Variants in UBE2V2 observed in about 807,000 individuals in gnomAD.
UBE2V2 encodes the protein ubiquitin conjugating enzyme E2 V2.
In UBE2V2, 9 loss-of-function variants were observed where a neutral mutation model predicts 17.2. The ratio of observed to expected loss-of-function variants is 0.52; its 90% CI spans 0.32 to 0.91. The LOEUF is 0.91. Among genes scored for constraint, UBE2V2 ranks in the 40% least tolerant of loss-of-function variants. The pLI, the probability that UBE2V2 is intolerant of heterozygous loss-of-function variation, is 0.04. For missense variants in UBE2V2, 133 were observed against 182.6 expected (o/e 0.73, Z 1.56); for synonymous variants, 61 against 57.5 (o/e 1.06, Z -0.28).
rs147443496 is a variant in UBE2V2 at position 48,059,657 on chromosome 8, C to T, written c.292-1025C>T. The stretch of plus-strand genomic sequence containing the variant: ...CAAACTCCTGACCTTGTGATCCGCC[C>T]GCCTTGGCCTCCCAAAACGTTGGGA... On this transcript the variant is annotated intron_variant, in intron 3 of 3. Coordinates refer to ENST00000523111, the MANE Select transcript of UBE2V2 (RefSeq NM_003350.3). Among the ~76,000 whole-genome samples, 362 of 152,272 alleles carry T rather than the reference C, an allele frequency of 2.4e-3. 3 individuals carry two copies. Among genetic ancestry groups the T allele is most frequent in the African/African-American group, 8.0e-3 (333 of 41,546 alleles).
rs563161396 is a variant in UBE2V2 at position 48,036,410 on chromosome 8, T to C, written c.17-6623T>C. 4.6e-5 allele frequency among the ~76,000 whole-genome samples: 7 copies of C among 151,578 alleles called. No homozygotes were observed. The East Asian group carries it at 1.4e-3, about 29-fold the overall frequency. On this transcript the variant is annotated intron_variant, in intron 1 of 3. Coordinates refer to ENST00000523111, the MANE Select transcript of UBE2V2 (RefSeq NM_003350.3). ...ATTTGTGGCCATCTTTAATTTGGTATAGAGTATAATGATTCTTGACTCAAA... is the reference window on the plus strand; with the variant it reads ...ATTTGTGGCCATCTTTAATTTGGTACAGAGTATAATGATTCTTGACTCAAA...
chr8:48,009,486 G>C (rs2091213146), intron 1 of UBE2V2, among the ~76,000 whole-genome samples: 1 of 151,994 alleles, frequency 6.6e-6, no homozygotes. Flanking sequence ...GACTGGTCTC[G>C]AACTCCTGAC....
At chr8:48,001,249 C>T in the UBE2V2 span, among the ~76,000 whole-genome samples, 5 of 152,142 alleles carry the variant, frequency 3.3e-5, no homozygotes, top group Admixed American at 6.6e-5. Flanking sequence ...TGTTCCTTCC[C>T]ATGGAAAATA....
intron 1 of UBE2V2, among the ~76,000 whole-genome samples, chr8:48,033,955 G>A (rs922299600): frequency 2.6e-5 from 4 of 151,752 alleles, no homozygotes; most frequent in Admixed American, 6.6e-5. Flanking sequence ...AGACCCTGTT[G>A]CTAAAAAAAA....
chr8:48,031,080 G>C (rs903825965), intron 1 of UBE2V2, among the ~76,000 whole-genome samples: 1 of 151,822 alleles, frequency 6.6e-6, no homozygotes, highest in Non-Finnish European at 1.5e-5. Context: ...GTGGTGGCAG[G>C]CACCTGTAAT....
intron 2 of UBE2V2, 169 bp from the exon 3 acceptor site, chr8:48,049,684 T>C (rs2091522098): frequency 4.1e-6 from 2 of 488,962 alleles, no homozygotes; most frequent in East Asian, 7.7e-5. Context: ...ATTGCATTTT[T>C]TCTCACCATA....
intron 1 of UBE2V2, among the ~76,000 whole-genome samples, chr8:48,022,779 G>A (rs2091314310): frequency 6.6e-6 from 1 of 150,602 alleles, no homozygotes. Flanking sequence ...AGACAGCTTT[G>A]TCTAAAGGAC....
At chr8:48,003,230 AAGAG>A in the UBE2V2 span, among the ~76,000 whole-genome samples, 8 of 151,714 alleles carry the variant, frequency 5.3e-5, no homozygotes, top group South Asian at 2.1e-4. Context: ...AAAAAAAAAA[AAGAG>A]AGAATTTAGT....
chr8:48,051,292 C>T (rs141753695), intron 3 of UBE2V2, among the ~76,000 whole-genome samples: 289 of 152,162 alleles, frequency 1.9e-3, no homozygotes, highest in Middle Eastern at 0.01. Context: ...GTTGAGAGCA[C>T]GCCACATACA....
At chr8:48,050,144 G>T in intron 3 of UBE2V2, 166 bp downstream of exon 3, 3 of 451,986 alleles carry the variant, frequency 6.6e-6, no homozygotes, top group South Asian at 1.9e-4. Flanking sequence ...GCATTATGTT[G>T]TTTTTCTTTT....
chr8:47,998,989 T>C, the UBE2V2 span, among the ~76,000 whole-genome samples: 3 of 152,198 alleles, frequency 2.0e-5, no homozygotes, highest in Non-Finnish European at 4.4e-5. Flanking sequence ...GTGACGTTTA[T>C]TACAGGAGGG....
chr8:48,022,841 G>A (rs1056936826), intron 1 of UBE2V2, among the ~76,000 whole-genome samples: 17 of 150,098 alleles, frequency 1.1e-4, no homozygotes, highest in African/African-American at 3.7e-4. Flanking sequence ...GACAAGGTCT[G>A]TTGCCCAGAC....
At chr8:48,060,489 AT>A (rs1802577114) in intron 3 of UBE2V2, among the ~76,000 whole-genome samples, 192 bp from the exon 4 acceptor site, 1 of 152,090 alleles carries the variant, frequency 6.6e-6, no homozygotes, top group Admixed American at 6.6e-5. Flanking sequence ...ATGTCTTTAT[AT>A]TTTCCCAAAA....
At chr8:48,011,488 GT>G (rs2091231086) in intron 1 of UBE2V2, among the ~76,000 whole-genome samples, 1 of 152,164 alleles carries the variant, frequency 6.6e-6, no homozygotes, top group South Asian at 2.1e-4. Context: ...TAATACACGT[GT>G]TTTTTATTTA....
In UBE2V2 at chr8:48,008,454, G is replaced by C. The variant is rs140709996; in HGVS notation, c.-1G>C. ...GCGGCTGCGTCGGGCTGCAGGAGAA[G>C]ATGGCGGTCTCCACAGGTCGGTTCC... On this transcript the variant is annotated 5_prime_UTR_variant, in exon 1 of 4. Transcript: ENST00000523111. 1 of 1,567,126 alleles carries C rather than the reference G, an allele frequency of 6.4e-7. No homozygotes were observed. Among genetic ancestry groups the C allele is most frequent in the Non-Finnish European group, 8.6e-7 (1 of 1,158,992 alleles).
chr8:48,054,767 G>A lies in UBE2V2; in HGVS notation c.291+4789G>A, dbSNP rs568415496. On this transcript the variant is annotated intron_variant, in intron 3 of 3. Coordinates refer to ENST00000523111, the MANE Select transcript of UBE2V2 (RefSeq NM_003350.3). ...CCCTGTGGGTGGTTAGCACTCTGAA[G>A]TGTAAATTTTATTGTCTTATGCAGT... Among the ~76,000 whole-genome samples, 4 of 152,342 alleles carry A rather than the reference G, an allele frequency of 2.6e-5. No homozygotes were observed. The South Asian group carries it at 8.3e-4, about 32-fold the overall frequency.
chr8:48,022,836 G>A (rs1379518649), intron 1 of UBE2V2, among the ~76,000 whole-genome samples: 3 of 151,120 alleles, frequency 2.0e-5, no homozygotes, highest in Non-Finnish European at 4.4e-5. Context: ...AGAGAGACAA[G>A]GTCTGTTGCC....
chr8:48,027,494 T>TTTTA (rs1200121206), intron 1 of UBE2V2, among the ~76,000 whole-genome samples: 1 of 152,134 alleles, frequency 6.6e-6, no homozygotes, highest in African/African-American at 2.4e-5. Flanking sequence ...GCTTACTAGT[T>TTTTA]TTTATTTATT....
chr8:48,013,588 C>T (rs1340550137), intron 1 of UBE2V2, among the ~76,000 whole-genome samples: 8 of 152,076 alleles, frequency 5.3e-5, no homozygotes, highest in East Asian at 1.9e-4. Context: ...GGATTACAGG[C>T]GTGAGCCACC....
Sources: gnomAD v4.1 joint callset for allele counts (sites outside exome capture counted in the v4.1 genomes callset) on GRCh38, gnomAD v4.1.1 for gene constraint, MANE v1.5 for transcripts, NCBI Gene and HGNC (gene_info 2026-07-23, HGNC 2026-07-21) for gene names.